Variants in UBA2 observed in about 807,000 individuals in gnomAD.
UBA2 encodes ubiquitin like modifier activating enzyme 2.
A neutral mutation model predicts 77.2 loss-of-function variants in UBA2; 11 were observed. The ratio of observed to expected loss-of-function variants is 0.14; its 90% CI spans 0.09 to 0.24. The LOEUF (loss-of-function observed/expected upper bound fraction) is 0.24. Ranked by LOEUF, UBA2 falls within the 10% of genes least tolerant of loss-of-function variation. The pLI is 1.00. For synonymous variants in UBA2, 278 were observed against 276.7 expected, an observed-to-expected ratio of 1.00 and a Z score of -0.05; for missense variants, 487 against 781.7, an observed-to-expected ratio of 0.62 and a Z score of 4.50.
At chr19:34,463,818 TG>T (rs2075658661) in intron 14 of UBA2, among the ~76,000 whole-genome samples, 1 of 148,080 alleles carries the variant, frequency 6.8e-6, no homozygotes, top group Non-Finnish European at 1.5e-5. Context: ...CCACCCTACT[TG>T]CCCCATTTAA....
At chr19:34,438,817 G>T (rs1166245567) in intron 6 of UBA2, 51 bp downstream of exon 6, 2 of 1,601,836 alleles carry the variant, frequency 1.2e-6, no homozygotes, top group South Asian at 1.1e-5. Flanking sequence ...GATGGAAAAT[G>T]GAGTCATTTT....
chr19:34,456,100 C>CTTTTTTTTTTTTTTTTTTTTTTTTTT lies in UBA2; in HGVS notation c.1245+1549_1245+1550insTTTTTTTTTTTTTTTTTTTTTTTTTT. Reference sequence around the variant, plus strand: ...CCCGATGCGCTCTTTTTTTCCTTTTCTTTTTCTTTTTTTTTTTTTTTTTTG... The same window carrying CTTTTTTTTTTTTTTTTTTTTTTTTTT: ...CCCGATGCGCTCTTTTTTTCCTTTTCTTTTTTTTTTTTTTTTTTTTTTTTTTTTTTTCTTTTTTTTTTTTTTTTTTG... On this transcript the variant is annotated intron_variant, in intron 12 of 16. Coordinates refer to ENST00000246548, the MANE Select transcript of UBA2 (RefSeq NM_005499.3). Among the ~76,000 whole-genome samples, 130 of 55,800 alleles carry CTTTTTTTTTTTTTTTTTTTTTTTTTT rather than the reference C, an allele frequency of 2.3e-3. 42 individuals carry two copies. Among genetic ancestry groups the CTTTTTTTTTTTTTTTTTTTTTTTTTT allele is most frequent in the Middle Eastern group, 0.019 (1 of 52 alleles). The allele number at this position is 55,800 out of a possible 152,430, so 36.6% of individuals were successfully genotyped here.
chr19:34,448,426 C>T (rs1365218674), intron 8 of UBA2, among the ~76,000 whole-genome samples: 4 of 151,922 alleles, frequency 2.6e-5, no homozygotes, highest in Admixed American at 2.6e-4. Flanking sequence ...AAGACCCCAT[C>T]TCTAAAAACG....
intron 16 of UBA2, 107 bp downstream of exon 16, chr19:34,467,121 G>A (rs2075696243): frequency 4.5e-6 from 6 of 1,337,354 alleles, no homozygotes; most frequent in South Asian, 1.4e-5. Context: ...TACTAGAGGT[G>A]TGTATTGGTT....
intron 12 of UBA2, among the ~76,000 whole-genome samples, chr19:34,456,940 C>A (rs2075569768): frequency 6.6e-6 from 1 of 151,640 alleles, no homozygotes; most frequent in African/African-American, 2.4e-5. Context: ...ACCAACAGTA[C>A]TAATTACTGA....
At chr19:34,454,932 C>T (rs2075541923) in intron 12 of UBA2, among the ~76,000 whole-genome samples, 1 of 152,090 alleles carries the variant, frequency 6.6e-6, no homozygotes. Flanking sequence ...TCATTCTTTT[C>T]AATTTTATTG....
rs45482396 is a variant in UBA2 at position 34,466,925 on chromosome 19, C to T, written c.1652C>T (p.Pro551Leu). The change falls in exon 16 of 17, where the codon CCG (proline) becomes CTG (leucine). Residue 551 changes from proline (P) to leucine (L), a missense_variant. By Grantham distance (98) the Pro-to-Leu change is moderately conservative (BLOSUM62 -3). This residue lies in a region of UBA2 where 300 missense variants were observed against 454.3 expected (regional missense o/e 0.66). Transcript: ENST00000246548. ...DVEFEVVGDA[P>L]EKVGPKQAED... ...GAATTTGAAGTTGTTGGTGATGCCC[C>T]GGAAAAAGTGGGGCCCAAACAAGCT... 42,775 of 1,613,494 alleles carry T rather than the reference C, an allele frequency of 0.027. 652 individuals carry two copies. Among genetic ancestry groups the T allele is most frequent in the South Asian group, 0.035 (3,171 of 91,046 alleles).
chr19:34,444,608 A>G (rs1599905456), intron 7 of UBA2, among the ~76,000 whole-genome samples: 1 of 152,000 alleles, frequency 6.6e-6, no homozygotes, highest in African/African-American at 2.4e-5. Context: ...GGAGTTTGAG[A>G]CCAGCCTGGC....
chr19:34,451,480 A>G (rs1193754504), intron 9 of UBA2, among the ~76,000 whole-genome samples: 1 of 149,464 alleles, frequency 6.7e-6, no homozygotes, highest in Non-Finnish European at 1.5e-5. Flanking sequence ...CAAATCTCCC[A>G]GTAATCCTAT....
At chr19:34,446,638 CCTG>C (rs2075434910) in intron 8 of UBA2, among the ~76,000 whole-genome samples, 1 of 147,230 alleles carries the variant, frequency 6.8e-6, no homozygotes. Flanking sequence ...GAGAGAGAAT[CCTG>C]CTCTGTCGCC....
At chr19:34,450,742 CTTT>C (rs59580124) in intron 9 of UBA2, among the ~76,000 whole-genome samples, 2 of 83,430 alleles carry the variant, frequency 2.4e-5, no homozygotes, top group African/African-American at 5.2e-5. Flanking sequence ...TTATGTATAT[CTTT>C]TTTTTTTTTT....
Position 34,460,460 on chromosome 19 carries a change from T to G in UBA2, c.1402-10T>G. On this transcript the variant is annotated splice_polypyrimidine_tract_variant and intron_variant, in intron 13 of 16. Coordinates refer to ENST00000246548, the MANE Select transcript of UBA2 (RefSeq NM_005499.3). ...GTTAATATTTTGAATCCTTTTTTTT[T>G]TTTTTGTAGATAGTGAAAGAAAAAT... is the stretch of plus-strand genomic sequence containing the variant. 1 of 1,512,990 alleles carries G rather than the reference T, an allele frequency of 6.6e-7. No homozygotes were observed. 93.7% of individuals were successfully genotyped at this position (1,512,990 alleles called of 1,614,324 possible).
In UBA2 at chr19:34,456,108, T is replaced by C. The variant is rs1411375207; in HGVS notation, c.1245+1552T>C. Among the ~76,000 whole-genome samples, 2 of 128,854 alleles carry C rather than the reference T, an allele frequency of 1.6e-5. 1 individual carries two copies. Among genetic ancestry groups the C allele is most frequent in the African/African-American group, 5.8e-5 (2 of 34,610 alleles). The allele number at this position is 128,854 out of a possible 152,430, so 84.5% of individuals were successfully genotyped here. On this transcript the variant is annotated intron_variant, in intron 12 of 16. Coordinates refer to ENST00000246548, the MANE Select transcript of UBA2 (RefSeq NM_005499.3). Reference sequence around the variant, plus strand: ...GCTCTTTTTTTCCTTTTCTTTTTCTTTTTTTTTTTTTTTTTTGAGGTGGAA... The same window carrying C: ...GCTCTTTTTTTCCTTTTCTTTTTCTCTTTTTTTTTTTTTTTTGAGGTGGAA...
intron 6 of UBA2, among the ~76,000 whole-genome samples, chr19:34,443,605 C>A (rs2075394070): frequency 6.6e-6 from 1 of 151,994 alleles, no homozygotes; most frequent in African/African-American, 2.4e-5. Context: ...CCACGCCTGG[C>A]TAATTTTTAT....
intron 13 of UBA2, among the ~76,000 whole-genome samples, chr19:34,459,523 C>T (rs1355519214): frequency 6.6e-6 from 1 of 152,106 alleles, no homozygotes; most frequent in African/African-American, 2.4e-5. Context: ...TCCCTGAGGA[C>T]ATAGGGCATT....
chr19:34,440,561 A>G (rs2075357899), intron 6 of UBA2, among the ~76,000 whole-genome samples: 1 of 152,222 alleles, frequency 6.6e-6, no homozygotes. Flanking sequence ...TGTCAAGGCC[A>G]TTATGGCATA....
chr19:34,434,592 A>C (rs919219785), intron 4 of UBA2, among the ~76,000 whole-genome samples: 45 of 152,236 alleles, frequency 3.0e-4, no homozygotes, highest in African/African-American at 1.1e-3. Flanking sequence ...AAGGTACAGC[A>C]ATAGAAGAGA....
intron 15 of UBA2, among the ~76,000 whole-genome samples, chr19:34,465,560 C>T (rs190469286): frequency 4.0e-5 from 6 of 148,580 alleles, no homozygotes; most frequent in African/African-American, 7.4e-5. Context: ...TTGTTTGAAC[C>T]GGGGAGCCGA....
At chr19:34,440,271 G>A (rs1314571238) in intron 6 of UBA2, among the ~76,000 whole-genome samples, 1 of 149,312 alleles carries the variant, frequency 6.7e-6, no homozygotes, top group African/African-American at 2.5e-5. Flanking sequence ...TTGGGCCACT[G>A]CACTCCAGCC....
Sources: allele counts gnomAD v4.1 joint callset (sites outside exome capture counted in the v4.1 genomes callset), GRCh38; gene constraint gnomAD v4.1.1; regional missense constraint gnomAD v4.1.1; transcripts MANE v1.5; gene names NCBI Gene and HGNC (gene_info 2026-07-23, HGNC 2026-07-21).